Variants in MAPK9 observed in about 807,000 individuals in gnomAD.
MAPK9 encodes Jun kinase.
In MAPK9, 30 loss-of-function variants were observed where a neutral mutation model predicts 57.1. The observed-to-expected ratio is 0.53, with a 90% CI of 0.39 to 0.71. The LOEUF (loss-of-function observed/expected upper bound fraction) is 0.71. Among genes scored for constraint, MAPK9 ranks in the 30% least tolerant of loss-of-function variants. The pLI, the probability that MAPK9 is intolerant of heterozygous loss-of-function variation, is 0.00. For synonymous variants in MAPK9, 155 were observed against 177.0 expected (o/e 0.88, Z 0.99); for missense variants, 362 against 521.0 (o/e 0.69, Z 2.97).
At chr5:180,240,991 C>G in intron 9 of MAPK9, 40 bp downstream of exon 9, 2 of 1,582,734 alleles carry the variant, frequency 1.3e-6, no homozygotes, top group Non-Finnish European at 1.7e-6. Context: ...AAATATAAGC[C>G]TGGCCTCTCT....
intron 6 of MAPK9, among the ~76,000 whole-genome samples, chr5:180,248,282 C>A (rs1212814661): frequency 6.6e-6 from 1 of 152,246 alleles, no homozygotes; most frequent in Non-Finnish European, 1.5e-5. Context: ...AGTTTTCTCT[C>A]CCCTCCACAG....
At chr5:180,248,886 T>G in intron 6 of MAPK9, 87 bp downstream of exon 6, 1 of 1,424,082 alleles carries the variant, frequency 7.0e-7, no homozygotes, top group Non-Finnish European at 9.5e-7. Context: ...ATATATCATA[T>G]GGTTCAAAGG....
At chr5:180,282,919 G>C (rs1762436036) in intron 1 of MAPK9, among the ~76,000 whole-genome samples, 1 of 152,168 alleles carries the variant, frequency 6.6e-6, no homozygotes, top group African/African-American at 2.4e-5. Context: ...AAGCAGCAGA[G>C]GCGGAGGCAC....
chr5:180,253,006 C>T (rs959207992), intron 5 of MAPK9, among the ~76,000 whole-genome samples: 22 of 152,230 alleles, frequency 1.4e-4, no homozygotes, highest in African/African-American at 4.8e-4. Flanking sequence ...GTGGGGTCCA[C>T]GGAAATGCAC....
At chr5:180,240,877 C>T (rs1757585546) in intron 9 of MAPK9, among the ~76,000 whole-genome samples, 154 bp downstream of exon 9, 1 of 152,218 alleles carries the variant, frequency 6.6e-6, no homozygotes, top group African/African-American at 2.4e-5. Context: ...GAGCAAGCGA[C>T]CCAGGTCTCA....
chr5:180,247,746 A>G lies in MAPK9; in HGVS notation c.617-236T>C, dbSNP rs1161652369. On this transcript the variant is annotated intron_variant, in intron 6 of 11. Coordinates refer to ENST00000452135, the MANE Select transcript of MAPK9 (RefSeq NM_002752.5). This position sits in a 1 kb window ranked among gnomAD's most constrained non-coding sequence, Gnocchi z 4.5. ...CTTTATAGCTTAAAACAAACAAACAAACAAACAAAAAACCAGAAACAAGAA... is the reference window on the plus strand; with the variant it reads ...CTTTATAGCTTAAAACAAACAAACAGACAAACAAAAAACCAGAAACAAGAA... 1 of 1,237,250 alleles carries G rather than the reference A, an allele frequency of 8.1e-7. No homozygotes were observed. Among genetic ancestry groups the G allele is most frequent in the South Asian group, 1.3e-5 (1 of 79,744 alleles). 76.6% of individuals were successfully genotyped at this position (1,237,250 alleles called of 1,614,324 possible).
intron 5 of MAPK9, among the ~76,000 whole-genome samples, chr5:180,252,723 T>C (rs935148071): frequency 6.6e-6 from 1 of 152,062 alleles, no homozygotes; most frequent in African/African-American, 2.4e-5. Flanking sequence ...TGTGGCCCAC[T>C]GAGAGCCACC....
intron 1 of MAPK9, among the ~76,000 whole-genome samples, chr5:180,290,968 G>A (rs1345389910): frequency 6.6e-6 from 1 of 152,236 alleles, no homozygotes; most frequent in East Asian, 1.9e-4. Context: ...TGAGAGCTAG[G>A]AAGGAAATTT....
At chr5:180,269,794 A>T (rs903184658) in intron 2 of MAPK9, among the ~76,000 whole-genome samples, 2 of 152,250 alleles carry the variant, frequency 1.3e-5, no homozygotes, top group African/African-American at 4.8e-5. Flanking sequence ...TAAAATGTGT[A>T]TATTTTGGAA....
Position 180,233,565 on chromosome 5 carries a change from A to C in MAPK9, c.*2819T>G, listed in dbSNP as rs553108490. ...GGAGAAATATCTAATTGCCATGTAA[A>C]AACACACAAAAATTGGACATGCTAT... On this transcript the variant is annotated 3_prime_UTR_variant, in exon 12 of 12. Transcript: ENST00000452135. 5.3e-5 allele frequency: 8 copies of C among 152,338 alleles called. No homozygotes were observed. Among genetic ancestry groups the C allele is most frequent in the African/African-American group, 1.9e-4 (8 of 41,576 alleles). The allele number at this position is 152,338 out of a possible 1,614,324, so 9.4% of individuals were successfully genotyped here. A position where few individuals can be genotyped will look rare whatever the true frequency, so the allele number is the denominator to read the frequency against.
chr5:180,241,303 A>AT, intron 8 of MAPK9, 148 bp from the exon 9 acceptor site: 26 of 838,904 alleles, frequency 3.1e-5, no homozygotes, highest in South Asian at 9.7e-5. Context: ...TATAACCCAA[A>AT]ATTTTTTTTT....
chr5:180,286,771 T>A (rs1762809852), intron 1 of MAPK9, among the ~76,000 whole-genome samples: 1 of 152,226 alleles, frequency 6.6e-6, no homozygotes, highest in South Asian at 2.1e-4. Context: ...ACCATTTCTG[T>A]GACTTCCGAA....
intron 1 of MAPK9, among the ~76,000 whole-genome samples, chr5:180,291,515 C>T (rs969926767): frequency 6.6e-6 from 1 of 152,190 alleles, no homozygotes; most frequent in Non-Finnish European, 1.5e-5. Flanking sequence ...GTGCCTTGGC[C>T]AAGGTCGCGG....
At chr5:180,280,893 G>A (rs1398708529) in intron 1 of MAPK9, among the ~76,000 whole-genome samples, 1 of 152,074 alleles carries the variant, frequency 6.6e-6, no homozygotes, top group African/African-American at 2.4e-5. Flanking sequence ...ATTACTACTG[G>A]CTATGAAAAG....
At chr5:180,266,659 C>T (rs919941215) in intron 3 of MAPK9, among the ~76,000 whole-genome samples, 20 of 151,656 alleles carry the variant, frequency 1.3e-4, no homozygotes, top group African/African-American at 4.8e-4. Context: ...TGTTTTGTTG[C>T]CCAGGTGTGC....
intron 9 of MAPK9, 111 bp downstream of exon 9, chr5:180,240,920 C>A: frequency 1.5e-6 from 2 of 1,308,734 alleles, no homozygotes; most frequent in Non-Finnish European, 2.0e-6. Context: ...ACTGGGAGCC[C>A]CCAAATGGAG....
At chr5:180,240,995 C>T (rs576369914) in intron 9 of MAPK9, 36 bp downstream of exon 9, 1 of 1,584,212 alleles carries the variant, frequency 6.3e-7, no homozygotes. Flanking sequence ...ATAAGCCTGG[C>T]CTCTCTATAT....
At position 180,249,010 on chromosome 5, in the gene MAPK9, C is replaced by T. The variant is rs774103490; in HGVS notation, c.579G>A (p.Ala193=). ...TPYVVTRYYR[A]PEVILGMGYK... is the part of the protein sequence containing the mutation. ...AGCCCATACCCAGGATGACTTCGGG[C>T]GCCCGGTAGTACCGTGTCACCACGT... Residue 193 remains alanine, a synonymous_variant, in exon 6 of 12, where the codon GCG becomes GCA. Transcript: ENST00000452135. 5.0e-6 allele frequency: 8 copies of T among 1,613,498 alleles called. No individual in the cohort carries two copies. Among genetic ancestry groups the T allele is most frequent in the Middle Eastern group, 1.7e-4 (1 of 6,054 alleles).
intron 2 of MAPK9, among the ~76,000 whole-genome samples, chr5:180,272,784 AAC>A (rs1411677759): frequency 1.3e-5 from 2 of 152,220 alleles, no homozygotes. Flanking sequence ...TCTATTACAG[AAC>A]ACACAGTCAT....
Sources: gnomAD v4.1 joint callset for allele counts (sites outside exome capture counted in the v4.1 genomes callset) on GRCh38, gnomAD v4.1.1 for gene constraint, Gnocchi (gnomAD v3.1) non-coding constraint, MANE v1.5 for transcripts, NCBI Gene and HGNC (gene_info 2026-07-23, HGNC 2026-07-21) for gene names.